VPS13B: variants seen among roughly 807,000 people sequenced by gnomAD.
VPS13B encodes the protein intermembrane lipid transfer protein VPS13B.
Under a neutral mutation model 426.4 loss-of-function variants are expected in VPS13B, and 285 were observed. The observed-to-expected ratio is 0.67, with a 90% CI of 0.61 to 0.74. VPS13B has a LOEUF of 0.74. Among genes scored for constraint, VPS13B ranks in the 30% least tolerant of loss-of-function variants. VPS13B has a pLI of 0.00. For synonymous variants in VPS13B, 1,676 were observed against 1,676.4 expected, an observed-to-expected ratio of 1.00 and a Z score of 0.01; for missense variants, 4,537 against 4,782.6, an observed-to-expected ratio of 0.95 and a Z score of 1.51.
Position 99,211,246 on chromosome 8 carries a change from A to G in VPS13B, c.2515+18189A>G, listed in dbSNP as rs1008497068. 2.6e-5 allele frequency among the ~76,000 whole-genome samples: 4 copies of G among 152,302 alleles called. 1 individual carries two copies. Among genetic ancestry groups the G allele is most frequent in the African/African-American group, 9.6e-5 (4 of 41,562 alleles). Reference sequence around the variant, plus strand: ...AAGGGAGGCTTCTGGCAGTCACTCTACTTACACTTGAGGACAAGCCTGAAG... The same window carrying G: ...AAGGGAGGCTTCTGGCAGTCACTCTGCTTACACTTGAGGACAAGCCTGAAG... On this transcript the variant is annotated intron_variant, in intron 17 of 61. Coordinates refer to ENST00000357162, the MANE Select transcript of VPS13B (RefSeq NM_152564.5).
chr8:99,083,088 C>T (rs1002680800), intron 3 of VPS13B, among the ~76,000 whole-genome samples: 1 of 152,116 alleles, frequency 6.6e-6, no homozygotes, highest in Admixed American at 6.6e-5. Flanking sequence ...TTCTTCCTAC[C>T]CATGAGCATG....
At chr8:99,766,066 CTTTTTTT>C (rs71274933) in intron 39 of VPS13B, among the ~76,000 whole-genome samples, 8 of 52,338 alleles carry the variant, frequency 1.5e-4, no homozygotes, top group Admixed American at 1.1e-3. Flanking sequence ...ACCTTCATTA[CTTTTTTT>C]TTTTTTTTTT....
chr8:99,425,708 C>G (rs939768479), intron 21 of VPS13B, among the ~76,000 whole-genome samples: 1 of 151,978 alleles, frequency 6.6e-6, no homozygotes, highest in Non-Finnish European at 1.5e-5. Context: ...GTTGGGCAAT[C>G]AGGCAGGAGA....
intron 19 of VPS13B, among the ~76,000 whole-genome samples, chr8:99,313,975 G>A (rs897005102): frequency 2.0e-5 from 3 of 152,300 alleles, no homozygotes; most frequent in East Asian, 3.9e-4. Context: ...GCCAGGCACG[G>A]GATATAATCT....
At chr8:99,496,620 C>A (rs945033362) in intron 25 of VPS13B, among the ~76,000 whole-genome samples, 2 of 152,060 alleles carry the variant, frequency 1.3e-5, no homozygotes, top group African/African-American at 4.8e-5. Flanking sequence ...CACTGCACTC[C>A]ACCCTGGGCG....
intron 34 of VPS13B, among the ~76,000 whole-genome samples, chr8:99,659,582 GA>G (rs1259902131): frequency 6.6e-6 from 1 of 152,130 alleles, no homozygotes; most frequent in African/African-American, 2.4e-5. Flanking sequence ...TCTATTTCTA[GA>G]AAAATGTAGA....
At chr8:99,837,478 A>T (rs1322000680) in intron 54 of VPS13B, among the ~76,000 whole-genome samples, 2 of 152,178 alleles carry the variant, frequency 1.3e-5, no homozygotes, top group South Asian at 4.1e-4. Flanking sequence ...TGACTGGGGA[A>T]TTCTTTACGA....
chr8:99,460,144 G>A (rs188012603), intron 23 of VPS13B, among the ~76,000 whole-genome samples: 30 of 152,108 alleles, frequency 2.0e-4, no homozygotes, highest in African/African-American at 6.0e-4. Flanking sequence ...GCTATTTGTT[G>A]TCTGTTGTTC....
intron 5 of VPS13B, among the ~76,000 whole-genome samples, chr8:99,109,946 A>G (rs1020534537): frequency 6.6e-6 from 1 of 152,148 alleles, no homozygotes; most frequent in Admixed American, 6.5e-5. Flanking sequence ...AAACATCTAC[A>G]GGATATCTTT....
At chr8:99,675,486 A>G (rs902311831) in intron 35 of VPS13B, among the ~76,000 whole-genome samples, 4 of 152,070 alleles carry the variant, frequency 2.6e-5, no homozygotes, top group Non-Finnish European at 4.4e-5. Flanking sequence ...GAATATTTAT[A>G]TATTTCTCCA....
At chr8:99,319,205 C>T (rs200761989) in intron 19 of VPS13B, among the ~76,000 whole-genome samples, 3 of 152,018 alleles carry the variant, frequency 2.0e-5, no homozygotes, top group South Asian at 4.2e-4. Flanking sequence ...TGTATTGTAC[C>T]GGGACAGTTA....
chr8:99,283,474 C>T (rs1163962106), intron 19 of VPS13B, among the ~76,000 whole-genome samples: 1 of 152,094 alleles, frequency 6.6e-6, no homozygotes, highest in Non-Finnish European at 1.5e-5. Context: ...CATTTTTGTT[C>T]ACGGGAATTA....
chr8:99,253,215 A>AC (rs1817587753), intron 17 of VPS13B, among the ~76,000 whole-genome samples: 1 of 152,134 alleles, frequency 6.6e-6, no homozygotes, highest in Non-Finnish European at 1.5e-5. Context: ...TGGTTATATT[A>AC]CATTTTGTTT....
intron 33 of VPS13B, among the ~76,000 whole-genome samples, chr8:99,625,633 C>T (rs1359985604): frequency 6.6e-6 from 1 of 151,958 alleles, no homozygotes; most frequent in East Asian, 1.9e-4. Flanking sequence ...GGCGGGCGAT[C>T]ACATAAGCCT....
In VPS13B at chr8:99,413,091, G is replaced by A. The variant is rs566299945; in HGVS notation, c.3083-18446G>A. ...GCCTCATAAAATGAGTTAGGAAGGA[G>A]TCCCTCTTTTTATATTGTTTGGAAT... On this transcript the variant is annotated intron_variant, in intron 21 of 61. Transcript: ENST00000357162. 2.0e-5 allele frequency among the ~76,000 whole-genome samples: 3 copies of A among 152,208 alleles called. No individual in the cohort carries two copies. The South Asian group carries it at 6.2e-4, about 32-fold the overall frequency.
chr8:99,105,135 T>C (rs1032651926), intron 5 of VPS13B, among the ~76,000 whole-genome samples: 1 of 152,216 alleles, frequency 6.6e-6, no homozygotes, highest in African/African-American at 2.4e-5. Flanking sequence ...AGCTTTAGTC[T>C]TCACATTTAA....
At chr8:99,559,885 T>G (rs1167926888) in intron 31 of VPS13B, among the ~76,000 whole-genome samples, 2 of 152,148 alleles carry the variant, frequency 1.3e-5, no homozygotes, top group Non-Finnish European at 2.9e-5. Flanking sequence ...GACTTGGCAA[T>G]GTGGGCTCTT....
intron 30 of VPS13B, among the ~76,000 whole-genome samples, chr8:99,547,384 T>C (rs1824043199): frequency 6.6e-6 from 1 of 152,082 alleles, no homozygotes; most frequent in Admixed American, 6.6e-5. Flanking sequence ...GTGATAAATA[T>C]GTAGACATTT....
Position 99,111,207 on chromosome 8 carries a change from C to T in VPS13B, c.690C>T (p.Tyr230=), listed in dbSNP as rs553150517. ...KIEFYQDPLL[Y]KCSFRTRLHF... is the part of the protein sequence containing the mutation. ...AATTTTACCAGGATCCTTTATTATACAAATGTTCCTTCAGAACTCGTCTTC... is the reference window on the plus strand; with the variant it reads ...AATTTTACCAGGATCCTTTATTATATAAATGTTCCTTCAGAACTCGTCTTC... The change falls in exon 6 of 62, where the codon TAC becomes TAT. Residue 230 remains tyrosine, a synonymous_variant. Transcript: ENST00000357162. The T allele has an allele frequency of 2.5e-6, 4 of 1,602,894 alleles. No individual in the cohort carries two copies. The African/African-American group carries it at 4.0e-5, about 16-fold the overall frequency.
Sources: gnomAD v4.1 joint callset for allele counts (sites outside exome capture counted in the v4.1 genomes callset) on GRCh38, gnomAD v4.1.1 for gene constraint, MANE v1.5 for transcripts, NCBI Gene and HGNC (gene_info 2026-07-23, HGNC 2026-07-21) for gene names.